The following PPP2R2B variants were observed in gnomAD, a reference collection of about 807,000 sequenced individuals.
The protein encoded by PPP2R2B is serine/threonine-protein phosphatase 2A 55 kDa regulatory subunit B beta isoform.
In PPP2R2B, 5 loss-of-function variants were observed where a neutral mutation model predicts 46.0. That is an observed-to-expected ratio of 0.11 (90% CI 0.06 to 0.23). The LOEUF (loss-of-function observed/expected upper bound fraction) is 0.23. PPP2R2B is among the 10% of genes least tolerant of loss of function. The pLI, the probability that PPP2R2B is intolerant of heterozygous loss-of-function variation, is 1.00. For synonymous variants in PPP2R2B, 215 were observed against 206.7 expected (o/e 1.04, Z -0.34); for missense variants, 367 against 575.0 (o/e 0.64, Z 3.70).
At chr5:146,924,549 G>A (rs948512179) in intron 1 of PPP2R2B, among the ~76,000 whole-genome samples, 1 of 152,128 alleles carries the variant, frequency 6.6e-6, no homozygotes, top group African/African-American at 2.4e-5. Context: ...GAGAAAATGG[G>A]ATACAGTAGC....
intron 2 of PPP2R2B, among the ~76,000 whole-genome samples, chr5:147,077,308 ACACC>A (rs374367607): frequency 0.018 from 2,376 of 128,792 alleles, 19 homozygotes; most frequent in Non-Finnish European, 0.019. Flanking sequence ...ACACACACAC[ACACC>A]CACACCCACA....
At chr5:146,666,744 T>C (rs1777002733) in intron 5 of PPP2R2B, among the ~76,000 whole-genome samples, 1 of 152,260 alleles carries the variant, frequency 6.6e-6, no homozygotes, top group Admixed American at 6.5e-5. Context: ...ACAAATGCTT[T>C]GCTTCACTGA....
At chr5:146,831,076 T>A (rs1287529681) in intron 2 of PPP2R2B, among the ~76,000 whole-genome samples, 1 of 152,194 alleles carries the variant, frequency 6.6e-6, no homozygotes, top group Non-Finnish European at 1.5e-5. Context: ...CATACCGTTA[T>A]GTACAGTATG....
chr5:146,813,651 T>C (rs1483809976), intron 2 of PPP2R2B, among the ~76,000 whole-genome samples: 4 of 152,234 alleles, frequency 2.6e-5, no homozygotes, highest in Non-Finnish European at 4.4e-5. Flanking sequence ...CATCTCTTAA[T>C]TCAAAGTCGA....
intron 2 of PPP2R2B, among the ~76,000 whole-genome samples, chr5:146,722,553 C>T (rs551130493): frequency 2.0e-5 from 3 of 152,270 alleles, no homozygotes; most frequent in Admixed American, 6.5e-5. Flanking sequence ...GGGGAAGCTA[C>T]AAAATATGCT....
chr5:147,073,766 C>T (rs763902012), intron 2 of PPP2R2B, among the ~76,000 whole-genome samples: 15 of 152,084 alleles, frequency 9.9e-5, no homozygotes, highest in East Asian at 1.9e-4. Flanking sequence ...ATGGGCGGGG[C>T]GTGGTGGCTC....
intron 5 of PPP2R2B, among the ~76,000 whole-genome samples, chr5:146,653,652 G>A (rs546022547): frequency 1.1e-3 from 165 of 152,264 alleles, no homozygotes; most frequent in Non-Finnish European, 1.5e-3. Flanking sequence ...TGGCTGTGGC[G>A]ACATGGGAGG....
chr5:146,876,275 C>T (rs1445400899), intron 2 of PPP2R2B, among the ~76,000 whole-genome samples: 2 of 152,102 alleles, frequency 1.3e-5, no homozygotes, highest in Non-Finnish European at 2.9e-5. Flanking sequence ...GCCCTGAAAA[C>T]AATAAAGAAT....
chr5:146,769,999 T>G (rs1229261857), intron 2 of PPP2R2B, among the ~76,000 whole-genome samples: 1 of 152,004 alleles, frequency 6.6e-6, no homozygotes, highest in African/African-American at 2.4e-5. Flanking sequence ...TTATTTATAC[T>G]AGCAAAAAAA....
At chr5:146,900,787 C>G (rs138763274) in intron 1 of PPP2R2B, among the ~76,000 whole-genome samples, 2 of 151,794 alleles carry the variant, frequency 1.3e-5, no homozygotes, top group South Asian at 4.2e-4. Context: ...CCCCTCTCCC[C>G]GTGCCCCATC....
chr5:146,672,313 T>C (rs1214425907), intron 5 of PPP2R2B, among the ~76,000 whole-genome samples: 1 of 152,184 alleles, frequency 6.6e-6, no homozygotes, highest in Non-Finnish European at 1.5e-5. Context: ...CCCTGGGTAC[T>C]GACAGACATC....
rs938728368 is a variant in PPP2R2B, at chr5:146,701,307, C to G, written c.71-165G>C. 5.2e-5 allele frequency: 40 copies of G among 767,490 alleles called. No individual in the cohort carries two copies. The African/African-American group carries it at 6.8e-4, about 13-fold the overall frequency. 47.5% of individuals were successfully genotyped at this position (767,490 alleles called of 1,614,324 possible). ...GTTTTAAATGCCACCAGAAGTGGCA[C>G]TTGGGAAGTAAATTTCCTAGATGCC... On this transcript the variant is annotated intron_variant, in intron 2 of 9. Transcript: ENST00000394411.
intron 1 of PPP2R2B, among the ~76,000 whole-genome samples, chr5:146,899,771 A>G (rs918662620): frequency 5.3e-5 from 8 of 152,208 alleles, no homozygotes; most frequent in Admixed American, 3.9e-4. Flanking sequence ...TTATTAAAGA[A>G]ATACTTGAAG....
chr5:146,614,293 G>C (rs1163876993), intron 7 of PPP2R2B, among the ~76,000 whole-genome samples: 1 of 97,444 alleles, frequency 1.0e-5, no homozygotes, highest in Non-Finnish European at 1.8e-5. Context: ...AAACTGGCTA[G>C]CCATATGTAG....
chr5:146,886,519 T>C (rs1268636578), intron 1 of PPP2R2B, among the ~76,000 whole-genome samples: 1 of 152,042 alleles, frequency 6.6e-6, no homozygotes, highest in Non-Finnish European at 1.5e-5. Flanking sequence ...GATAAAAATA[T>C]CATCACCATC....
intron 2 of PPP2R2B, among the ~76,000 whole-genome samples, chr5:147,071,328 C>T (rs60817911): frequency 0.031 from 4,752 of 152,224 alleles, 280 homozygotes; most frequent in African/African-American, 0.11. Context: ...ACCTTTCAAC[C>T]GATTCCTGCT....
At chr5:146,758,079 CATT>C (rs1477788550) in intron 2 of PPP2R2B, among the ~76,000 whole-genome samples, 1 of 152,190 alleles carries the variant, frequency 6.6e-6, no homozygotes, top group African/African-American at 2.4e-5. Flanking sequence ...ATTTTGCTCA[CATT>C]ATGGTTCTGT....
intron 2 of PPP2R2B, among the ~76,000 whole-genome samples, chr5:146,742,885 A>C (rs562141110): frequency 8.1e-4 from 124 of 152,308 alleles, no homozygotes; most frequent in Non-Finnish European, 1.2e-3. Context: ...AGGCGAAGGC[A>C]GAGATGGGGT....
chr5:146,918,089 T>A (rs1479307079), intron 1 of PPP2R2B, among the ~76,000 whole-genome samples: 1 of 152,168 alleles, frequency 6.6e-6, no homozygotes, highest in Non-Finnish European at 1.5e-5. Context: ...TACCTGCATT[T>A]TTGTATGTTT....
Sources: gnomAD v4.1 joint callset for allele counts (sites outside exome capture counted in the v4.1 genomes callset) on GRCh38, gnomAD v4.1.1 for gene constraint, MANE v1.5 for transcripts, NCBI Gene and HGNC (gene_info 2026-07-23, HGNC 2026-07-21) for gene names.